DAGLB: variants seen among roughly 807,000 people sequenced by gnomAD.
The protein encoded by DAGLB is diacylglycerol lipase beta, also known as diacylglycerol lipase-beta.
DAGLB carries 66 observed loss-of-function variants against 72.1 expected under a neutral mutation model. The ratio of observed to expected loss-of-function variants is 0.92; its 90% CI spans 0.75 to 1.12. DAGLB has a LOEUF of 1.12. Among genes scored for constraint, DAGLB ranks in the 50% most tolerant of loss-of-function variants. The pLI is 0.00. For synonymous variants in DAGLB, 414 were observed against 359.5 expected (o/e 1.15, Z -1.71); for missense variants, 1,065 against 884.9 (o/e 1.20, Z -2.58).
In DAGLB at chr7:6,430,598, G is replaced by C; in HGVS notation, c.811C>G (p.Leu271Val). 1 of 1,597,372 alleles carries C rather than the reference G, an allele frequency of 6.3e-7. No homozygotes were observed. Among genetic ancestry groups the C allele is most frequent in the East Asian group, 2.2e-5 (1 of 44,610 alleles). ...TGGCAGTTTTCTAATTCTGCATCCA[G>C]ATCAGCTTCCTACAAGAGAAGGACA... The part of the protein sequence containing the change: ...HAPGSSQEAD[L>V]DAELENCHHY... Residue 271 changes from leucine (L) to valine (V), a missense_variant, in exon 6 of 15, where the codon CTG becomes GTG. Transcript: ENST00000297056.
At chr7:6,443,708 C>A (rs1237946188) in intron 2 of DAGLB, among the ~76,000 whole-genome samples, 3 of 152,144 alleles carry the variant, frequency 2.0e-5, no homozygotes, top group Non-Finnish European at 4.4e-5. Context: ...GTGCACCTCA[C>A]CACCAGCATA....
rs775647196 is a variant in DAGLB, at chr7:6,424,705, G to A, written c.1140+47C>T. The A allele has an allele frequency of 1.1e-5, 18 of 1,591,708 alleles. No homozygotes were observed. In the African/African-American group the frequency reaches 1.2e-4, roughly 11 times the overall value. The stretch of plus-strand genomic sequence containing the variant: ...CCCAGCCGAGCAGCTGTGGGCTCCC[G>A]CTCCCGCACCCACTCCCAGGGCTGG... On this transcript the variant is annotated intron_variant, in intron 8 of 14. Coordinates refer to ENST00000297056, the MANE Select transcript of DAGLB (RefSeq NM_139179.4).
chr7:6,433,029 G>A (rs1784538858), intron 4 of DAGLB, 70 bp from the exon 5 acceptor site: 1 of 1,555,630 alleles, frequency 6.4e-7, no homozygotes, highest in South Asian at 1.2e-5. Context: ...CTAAAATCCA[G>A]TCTTCTATAG....
intron 8 of DAGLB, among the ~76,000 whole-genome samples, chr7:6,423,777 C>T (rs836522): frequency 1.3e-5 from 2 of 152,022 alleles, no homozygotes; most frequent in East Asian, 1.9e-4. Context: ...TTAGTAGAGA[C>T]GGGGTTTCAC....
chr7:6,410,978 G>A (rs1173063756), intron 13 of DAGLB, among the ~76,000 whole-genome samples: 1 of 147,598 alleles, frequency 6.8e-6, no homozygotes, highest in Non-Finnish European at 1.5e-5. Context: ...TCCGCCTCCC[G>A]GGTTCACGCC....
rs1242893508 is a variant in DAGLB at position 6,419,947 on chromosome 7, AGTCT to A, written c.1218+1776_1218+1779del. ...GCTTGAGCCCAGGAGATTCAAGACCAGTCTGGGCAACACAGAGAGACCCCATCTC... is the reference window on the plus strand; with the variant it reads ...GCTTGAGCCCAGGAGATTCAAGACCAGGGCAACACAGAGAGACCCCATCTC... On this transcript the variant is annotated intron_variant, in intron 9 of 14. Coordinates refer to ENST00000297056, the MANE Select transcript of DAGLB (RefSeq NM_139179.4). Among the ~76,000 whole-genome samples, 15 of 152,278 alleles carry A rather than the reference AGTCT, an allele frequency of 9.9e-5. 1 individual carries two copies. In the East Asian group the frequency reaches 2.7e-3, roughly 27 times the overall value.
chr7:6,418,982 G>C (rs1263610519), intron 9 of DAGLB, among the ~76,000 whole-genome samples: 1 of 151,012 alleles, frequency 6.6e-6, no homozygotes, highest in Non-Finnish European at 1.5e-5. Flanking sequence ...AAGTTTCTAA[G>C]AATTAAATAA....
At chr7:6,434,183 A>C (rs1335178090) in intron 4 of DAGLB, among the ~76,000 whole-genome samples, 3 of 152,020 alleles carry the variant, frequency 2.0e-5, no homozygotes, top group African/African-American at 7.2e-5. Context: ...CTCAGTATGG[A>C]ATTTAACAGC....
intron 8 of DAGLB, 35 bp downstream of exon 8, chr7:6,424,717 A>G (rs1338354229): frequency 6.2e-7 from 1 of 1,608,570 alleles, no homozygotes; most frequent in Non-Finnish European, 8.5e-7. Flanking sequence ...TCCCGCACCC[A>G]CTCCCAGGGC....
chr7:6,437,175 ATAATAATAATAATAATAG>A (rs958892350), intron 2 of DAGLB, among the ~76,000 whole-genome samples: 1 of 144,474 alleles, frequency 6.9e-6, no homozygotes, highest in African/African-American at 2.5e-5. Flanking sequence ...AATAATAATA[ATAATAATAATAATAATAG>A]TAATAATTAT....
rs1166119741 is a variant in DAGLB, at chr7:6,435,116, C to CT, written c.420-97dup. The CT allele has an allele frequency of 4.1e-5, 62 of 1,530,214 alleles. No homozygotes were observed. The East Asian group carries it at 1.4e-3, about 34-fold the overall frequency. 94.8% of individuals were successfully genotyped at this position (1,530,214 alleles called of 1,614,324 possible). A position where few individuals can be genotyped will look rare whatever the true frequency, so the allele number is the denominator to read the frequency against. On this transcript the variant is annotated intron_variant, in intron 3 of 14. Coordinates refer to ENST00000297056, the MANE Select transcript of DAGLB (RefSeq NM_139179.4). ...TCCTCCAGGTTCAGTTTCTGAGTCT[C>CT]TACCACGGAGGGTTCTGTTACCGAG...
chr7:6,424,866 A>C (rs762537046), intron 7 of DAGLB, 31 bp from the exon 8 acceptor site: 20 of 1,608,964 alleles, frequency 1.2e-5, no homozygotes, highest in South Asian at 4.4e-5. Context: ...CATGGGGCCT[A>C]AACAGTGAAC....
chr7:6,409,604 T>C lies in DAGLB; in HGVS notation c.*233A>G. ...TTCCCGAGGCTGTCTCCACGGTCGC[T>C]GGGTCTCAGGAGTCGTCCTATCACC... On this transcript the variant is annotated 3_prime_UTR_variant, in exon 15 of 15. Transcript: ENST00000297056. 1 of 574,416 alleles carries C rather than the reference T, an allele frequency of 1.7e-6. No individual in the cohort carries two copies. The allele number at this position is 574,416 out of a possible 1,614,324, so 35.6% of individuals were successfully genotyped here.
chr7:6,430,871 G>A (rs535074221), intron 5 of DAGLB, among the ~76,000 whole-genome samples: 7 of 151,914 alleles, frequency 4.6e-5, no homozygotes, highest in East Asian at 1.9e-4. Flanking sequence ...CGCCTCCCAG[G>A]TTCAAGCAAT....
At position 6,409,771 on chromosome 7, in the gene DAGLB, T is replaced by TTACC. The variant is rs776945676; in HGVS notation, c.*65_*66insGGTA. The stretch of plus-strand genomic sequence containing the variant: ...TTTGGCGTCATGGGAACTCCTCGGA[T>TTACC]GGTAAGTCAGTTTAAGGACAAAAGC... On this transcript the variant is annotated 3_prime_UTR_variant, in exon 15 of 15. Transcript: ENST00000297056. 1.2e-5 allele frequency: 19 copies of TTACC among 1,547,566 alleles called. No individual in the cohort carries two copies. The South Asian group carries it at 2.1e-4, about 17-fold the overall frequency.
At chr7:6,424,441 G>C (rs189994426) in intron 8 of DAGLB, among the ~76,000 whole-genome samples, 2 of 152,148 alleles carry the variant, frequency 1.3e-5, no homozygotes, top group Non-Finnish European at 2.9e-5. Flanking sequence ...GGGCTCCCGG[G>C]TGTGGGGCCT....
intron 4 of DAGLB, 85 bp downstream of exon 4, chr7:6,434,677 G>T: frequency 6.3e-7 from 1 of 1,580,100 alleles, no homozygotes; most frequent in Non-Finnish European, 8.6e-7. Flanking sequence ...CTCAAACGCG[G>T]TTTTATGGGA....
At chr7:6,421,392 G>GCTCTGTGC in intron 9 of DAGLB, among the ~76,000 whole-genome samples, 1 of 92,752 alleles carries the variant, frequency 1.1e-5, no homozygotes, top group Non-Finnish European at 2.1e-5. Context: ...GGCAGCGCGG[G>GCTCTGTGC]AGGCGCAGGC....
chr7:6,420,891 T>C (rs1170111981), intron 9 of DAGLB, among the ~76,000 whole-genome samples: 1 of 152,124 alleles, frequency 6.6e-6, no homozygotes, highest in Non-Finnish European at 1.5e-5. Context: ...ACAGAGAATA[T>C]GTGAATGACC....
Sources: gnomAD v4.1 joint callset for allele counts (sites outside exome capture counted in the v4.1 genomes callset) on GRCh38, gnomAD v4.1.1 for gene constraint, MANE v1.5 for transcripts, NCBI Gene and HGNC (gene_info 2026-07-23, HGNC 2026-07-21) for gene names.